The following POU6F2 variants were observed in gnomAD, a reference collection of about 807,000 sequenced individuals.
The protein encoded by POU6F2 is POU class 6 homeobox 2.
Under a neutral mutation model 71.3 loss-of-function variants are expected in POU6F2, and 31 were observed. The observed-to-expected ratio is 0.43, with a 90% CI of 0.33 to 0.59. The LOEUF (loss-of-function observed/expected upper bound fraction) is 0.59. Ranked by LOEUF, POU6F2 falls within the 20% of genes least tolerant of loss-of-function variation. The probability of loss-of-function intolerance (pLI) is 0.04; values close to 1 mark genes in which losing one functional copy is unlikely to be tolerated. For missense variants in POU6F2, 783 were observed against 856.8 expected (o/e 0.91, Z 1.07); for synonymous variants, 347 against 355.7 (o/e 0.98, Z 0.27).
intron 2 of POU6F2, among the ~76,000 whole-genome samples, chr7:39,129,624 T>TATATATAG (rs923799645): frequency 1.4e-4 from 21 of 149,346 alleles, no homozygotes; most frequent in African/African-American, 5.0e-4. Context: ...ACAATAGATA[T>TATATATAG]ATAGATAGAT....
At position 39,080,768 on chromosome 7, in the gene POU6F2, G is replaced by C. The variant is rs147845763; in HGVS notation, c.106-5092G>C. On this transcript the variant is annotated intron_variant, in intron 1 of 9. Transcript: ENST00000518318. ...TTTCAAGCTCAGTGTAGAGAGATGT[G>C]GGTATTTCCATCATGTGGCTGCCAC... Among the ~76,000 whole-genome samples, 431 of 152,270 alleles carry C rather than the reference G, an allele frequency of 2.8e-3. 2 individuals carry two copies. Among genetic ancestry groups the C allele is most frequent in the African/African-American group, 9.0e-3 (375 of 41,552 alleles).
chr7:39,394,873 GTC>G (rs1787141881), intron 5 of POU6F2, among the ~76,000 whole-genome samples: 1 of 152,002 alleles, frequency 6.6e-6, no homozygotes, highest in South Asian at 2.1e-4. Flanking sequence ...GCTCTTGTCT[GTC>G]TACTTATCTG....
At chr7:39,135,481 C>A (rs1792372023) in intron 2 of POU6F2, among the ~76,000 whole-genome samples, 2 of 151,982 alleles carry the variant, frequency 1.3e-5, no homozygotes, top group South Asian at 4.2e-4. Context: ...GACTACTCAT[C>A]CACACTCATT....
intron 2 of POU6F2, among the ~76,000 whole-genome samples, chr7:39,119,947 T>TG (rs1418058904): frequency 6.6e-6 from 1 of 152,172 alleles, no homozygotes; most frequent in Non-Finnish European, 1.5e-5. Flanking sequence ...TTCTTGGGGT[T>TG]GGGGAACACA....
intron 4 of POU6F2, among the ~76,000 whole-genome samples, chr7:39,296,343 T>C (rs942449055): frequency 5.3e-5 from 8 of 152,224 alleles, no homozygotes; most frequent in African/African-American, 1.9e-4. Context: ...CTAAGTATCA[T>C]TGAGAACAAG....
intron 2 of POU6F2, among the ~76,000 whole-genome samples, chr7:39,202,760 A>G (rs1182247953): frequency 3.9e-5 from 6 of 152,268 alleles, no homozygotes; most frequent in Non-Finnish European, 2.9e-5. Context: ...ATGATGGGTC[A>G]TCTTACCCTT....
intron 2 of POU6F2, among the ~76,000 whole-genome samples, chr7:39,113,436 C>T (rs1310859796): frequency 6.6e-6 from 1 of 151,936 alleles, no homozygotes; most frequent in Non-Finnish European, 1.5e-5. Flanking sequence ...ATGTTTTCTC[C>T]CCAAATCAAA....
At chr7:39,151,518 T>C (rs1792759666) in intron 2 of POU6F2, among the ~76,000 whole-genome samples, 1 of 152,164 alleles carries the variant, frequency 6.6e-6, no homozygotes, top group Non-Finnish European at 1.5e-5. Flanking sequence ...CTGAAGTAGA[T>C]AAATTGAGCT....
intron 1 of POU6F2, among the ~76,000 whole-genome samples, chr7:39,038,774 C>T (rs1790118081): frequency 6.6e-6 from 1 of 151,818 alleles, no homozygotes; most frequent in African/African-American, 2.4e-5. Flanking sequence ...TAAATCTTGG[C>T]TAGTGTAGAA....
At chr7:39,392,813 C>T (rs1330695819) in intron 5 of POU6F2, among the ~76,000 whole-genome samples, 1 of 152,234 alleles carries the variant, frequency 6.6e-6, no homozygotes, top group Non-Finnish European at 1.5e-5. Flanking sequence ...ACATTCTCTC[C>T]TGCACTACCA....
chr7:39,058,656 T>C (rs757143873), intron 1 of POU6F2, among the ~76,000 whole-genome samples: 2 of 152,198 alleles, frequency 1.3e-5, no homozygotes, highest in Non-Finnish European at 2.9e-5. Context: ...GAATTACAAG[T>C]AGTAAATTTA....
At chr7:39,207,759 C>A in intron 4 of POU6F2, 139 bp downstream of exon 4, 1 of 763,102 alleles carries the variant, frequency 1.3e-6, no homozygotes, top group Non-Finnish European at 2.1e-6. Flanking sequence ...AAGGCTTCCA[C>A]AGGAAGCAAA....
Position 39,366,350 on chromosome 7 carries a change from T to C in POU6F2, c.972+26335T>C, listed in dbSNP as rs73386439. Among the ~76,000 whole-genome samples the C allele has an allele frequency of 9.8e-3, 1,485 of 151,722 alleles. 18 individuals are homozygous for C. The highest frequency in any genetic ancestry group is 0.035 in the African/African-American group (1,431 of 41,358). On this transcript the variant is annotated intron_variant, in intron 5 of 9. Coordinates refer to ENST00000518318, the MANE Select transcript of POU6F2 (RefSeq NM_001370959.1). ...GACCACAGTATTGGAAGGAGATAAA[T>C]ATCACAAACACACACACACAGATGC... is the stretch of plus-strand genomic sequence containing the variant.
At position 39,467,413 on chromosome 7, in the gene POU6F2, C is replaced by A. The variant is rs1287773551; in HGVS notation, c.*2727C>A. 6.6e-6 allele frequency: 1 copy of A among 152,112 alleles called. No homozygotes were observed. Among genetic ancestry groups the A allele is most frequent in the Non-Finnish European group, 1.5e-5 (1 of 68,000 alleles). The allele number at this position is 152,112 out of a possible 1,614,324, so 9.4% of individuals were successfully genotyped here. On this transcript the variant is annotated 3_prime_UTR_variant, in exon 10 of 10. Transcript: ENST00000518318. ...TGTAAACAACTTCATATGCCAATGGCGTTTAAGTGTCTTTTATGTTTCCAT... is the reference window on the plus strand; with the variant it reads ...TGTAAACAACTTCATATGCCAATGGAGTTTAAGTGTCTTTTATGTTTCCAT...
At chr7:39,269,692 C>T (rs887128015) in intron 4 of POU6F2, among the ~76,000 whole-genome samples, 1 of 152,174 alleles carries the variant, frequency 6.6e-6, no homozygotes, top group Non-Finnish European at 1.5e-5. Context: ...TGCAAGCACC[C>T]CCTGAGCCTG....
chr7:39,396,398 C>T (rs562103591), intron 5 of POU6F2, among the ~76,000 whole-genome samples: 1 of 152,330 alleles, frequency 6.6e-6, no homozygotes, highest in East Asian at 1.9e-4. Context: ...TCCTTCCCCT[C>T]CCTCAAGTGC....
At chr7:39,263,179 A>G (rs964029259) in intron 4 of POU6F2, among the ~76,000 whole-genome samples, 2 of 152,152 alleles carry the variant, frequency 1.3e-5, no homozygotes, top group Admixed American at 1.3e-4. Flanking sequence ...AACTAGAAAC[A>G]TCCCTAATTT....
chr7:39,453,987 AT>A (rs1788724795), intron 8 of POU6F2, among the ~76,000 whole-genome samples: 1 of 152,194 alleles, frequency 6.6e-6, no homozygotes. Flanking sequence ...GTTGCCACAA[AT>A]TTTGAGCATG....
intron 5 of POU6F2, among the ~76,000 whole-genome samples, chr7:39,387,625 A>G (rs1295401303): frequency 6.6e-6 from 1 of 152,248 alleles, no homozygotes; most frequent in Non-Finnish European, 1.5e-5. Flanking sequence ...TCCACACAGC[A>G]GAACTGATAT....
Sources: allele counts gnomAD v4.1 joint callset (sites outside exome capture counted in the v4.1 genomes callset), GRCh38; gene constraint gnomAD v4.1.1; transcripts MANE v1.5; gene names NCBI Gene and HGNC (gene_info 2026-07-23, HGNC 2026-07-21).